The following UNC5D variants were observed in gnomAD, a reference collection of about 807,000 sequenced individuals.
UNC5D encodes the protein netrin receptor UNC5D.
UNC5D carries 39 observed loss-of-function variants against 105.4 expected under a neutral mutation model. That is an observed-to-expected ratio of 0.37 (90% CI 0.29 to 0.48). The LOEUF (loss-of-function observed/expected upper bound fraction) is 0.48, where lower values mean the gene tolerates loss of function less well. UNC5D is among the 20% of genes least tolerant of loss of function. UNC5D has a pLI of 0.98. For missense variants in UNC5D, 991 were observed against 1,202.4 expected (o/e 0.82, Z 2.60); for synonymous variants, 452 against 450.4 (o/e 1.00, Z -0.04).
intron 4 of UNC5D, among the ~76,000 whole-genome samples, chr8:35,654,445 T>C (rs1823608985): frequency 6.6e-6 from 1 of 152,148 alleles, no homozygotes; most frequent in Non-Finnish European, 1.5e-5. Flanking sequence ...TCTTCCACTC[T>C]ACCTGAGTTC....
Position 35,235,784 on chromosome 8 carries a change from C to T in UNC5D, c.-1C>T. Reference sequence around the variant, plus strand: ...CCGCCCTCCGGAACGCGGCGAGGAGCATGGGGAGAGCGGCGGCCACCGCAG... The same window carrying T: ...CCGCCCTCCGGAACGCGGCGAGGAGTATGGGGAGAGCGGCGGCCACCGCAG... On this transcript the variant is annotated 5_prime_UTR_variant, in exon 1 of 17. Transcript: ENST00000404895. 1.6e-6 allele frequency: 2 copies of T among 1,229,990 alleles called. No individual in the cohort carries two copies. Among genetic ancestry groups the T allele is most frequent in the Non-Finnish European group, 2.0e-6 (2 of 986,028 alleles). 76.2% of individuals were successfully genotyped at this position (1,229,990 alleles called of 1,614,324 possible).
intron 1 of UNC5D, among the ~76,000 whole-genome samples, chr8:35,317,306 C>T (rs1809381259): frequency 6.6e-6 from 1 of 152,106 alleles, no homozygotes. Context: ...TGATAGATAA[C>T]ACCTCTTCTC....
chr8:35,482,925 C>T (rs1247878960), intron 1 of UNC5D, among the ~76,000 whole-genome samples: 1 of 150,688 alleles, frequency 6.6e-6, no homozygotes, highest in East Asian at 2.0e-4. Context: ...GCCGTGGCCC[C>T]CCGAGTAGCT....
At chr8:35,359,700 C>T (rs559720063) in intron 1 of UNC5D, among the ~76,000 whole-genome samples, 1 of 152,270 alleles carries the variant, frequency 6.6e-6, no homozygotes, top group Non-Finnish European at 1.5e-5. Flanking sequence ...TTTATTCAAA[C>T]TAAATTCTAC....
At chr8:35,788,835 A>G (rs185587219) in intron 16 of UNC5D, among the ~76,000 whole-genome samples, 1 of 152,134 alleles carries the variant, frequency 6.6e-6, no homozygotes, top group Admixed American at 6.5e-5. Context: ...CATTGGACAC[A>G]GCCAAACACC....
chr8:35,525,763 T>C, intron 1 of UNC5D: 5 of 1,552,512 alleles, frequency 3.2e-6, no homozygotes, highest in Non-Finnish European at 1.7e-6. Context: ...GGAGCCGCCA[T>C]CTTGGGAGTG....
chr8:35,358,498 CA>C (rs1801681921), intron 1 of UNC5D, among the ~76,000 whole-genome samples: 1 of 152,068 alleles, frequency 6.6e-6, no homozygotes, highest in Non-Finnish European at 1.5e-5. Context: ...TGGTGAGGGT[CA>C]GGGGAAGCAG....
At chr8:35,774,159 T>C (rs2131739402) in intron 15 of UNC5D, 140 bp from the exon 16 acceptor site, 1 of 841,246 alleles carries the variant, frequency 1.2e-6, no homozygotes, top group South Asian at 2.0e-5. Flanking sequence ...GGGGAACTTA[T>C]CAATGTATTT....
At chr8:35,440,813 A>G (rs556961155) in intron 1 of UNC5D, among the ~76,000 whole-genome samples, 1 of 152,076 alleles carries the variant, frequency 6.6e-6, no homozygotes, top group South Asian at 2.1e-4. Context: ...TCATTGATTG[A>G]TGAGTGCTAT....
intron 3 of UNC5D, among the ~76,000 whole-genome samples, chr8:35,586,594 G>A (rs959128178): frequency 2.6e-5 from 4 of 152,130 alleles, no homozygotes; most frequent in African/African-American, 9.7e-5. Context: ...ATTTGGGTAA[G>A]TTACAATTTT....
chr8:35,489,412 T>C (rs897497995), intron 1 of UNC5D, among the ~76,000 whole-genome samples: 2 of 152,166 alleles, frequency 1.3e-5, no homozygotes, highest in Non-Finnish European at 2.9e-5. Context: ...AGACAGGGCA[T>C]TTAAGAAGGT....
chr8:35,500,392 A>C (rs1022028454), intron 1 of UNC5D, among the ~76,000 whole-genome samples: 3 of 152,184 alleles, frequency 2.0e-5, no homozygotes, highest in African/African-American at 7.2e-5. Flanking sequence ...ATGAGGGCAG[A>C]GAGATGTTTT....
chr8:35,400,662 G>A (rs1024971964), intron 1 of UNC5D, among the ~76,000 whole-genome samples: 7 of 152,084 alleles, frequency 4.6e-5, no homozygotes, highest in South Asian at 2.1e-4. Flanking sequence ...ACACCCAGAG[G>A]CATCATCTGA....
intron 1 of UNC5D, among the ~76,000 whole-genome samples, chr8:35,540,861 G>A (rs1308957522): frequency 6.6e-6 from 1 of 152,106 alleles, no homozygotes; most frequent in Non-Finnish European, 1.5e-5. Context: ...TGTTAGTGTG[G>A]CTGAAAGAAT....
intron 1 of UNC5D, among the ~76,000 whole-genome samples, chr8:35,441,984 A>C (rs535551835): frequency 6.6e-6 from 1 of 152,016 alleles, no homozygotes; most frequent in South Asian, 2.1e-4. Flanking sequence ...TTTTAGCACT[A>C]TCTATATTCC....
chr8:35,331,637 C>T (rs1213639534), intron 1 of UNC5D, among the ~76,000 whole-genome samples: 3 of 152,146 alleles, frequency 2.0e-5, no homozygotes, highest in Non-Finnish European at 1.5e-5. Flanking sequence ...TGCTCTGACT[C>T]ACACAGAAAT....
At chr8:35,714,759 C>G (rs1437228002) in intron 8 of UNC5D, among the ~76,000 whole-genome samples, 1 of 152,214 alleles carries the variant, frequency 6.6e-6, no homozygotes, top group Non-Finnish European at 1.5e-5. Flanking sequence ...TAGGCACATA[C>G]AGACTTTACA....
intron 1 of UNC5D, among the ~76,000 whole-genome samples, chr8:35,389,957 A>G (rs1803668806): frequency 6.6e-6 from 1 of 152,218 alleles, no homozygotes; most frequent in Admixed American, 6.5e-5. Flanking sequence ...TGCTATAAAG[A>G]AATACCTGAG....
At position 35,683,567 on chromosome 8, in the gene UNC5D, A is replaced by G; in HGVS notation, c.591A>G (p.Glu197=). The G allele has an allele frequency of 6.4e-7, 1 of 1,559,108 alleles. No homozygotes were observed. Among genetic ancestry groups the G allele is most frequent in the Admixed American group, 2.1e-5 (1 of 46,638 alleles). The change falls in exon 5 of 17, where the codon GAA becomes GAG. Residue 197 remains glutamate (E), a synonymous_variant. Transcript: ENST00000404895. ...TGTAGGTGGAATGGCTGAAAAATGA[A>G]GAGCCCATTGACTCTGAACAAGACG... ...PAAEVEWLKN[E]EPIDSEQDEN...
Sources: allele counts gnomAD v4.1 joint callset (sites outside exome capture counted in the v4.1 genomes callset), GRCh38; gene constraint gnomAD v4.1.1; transcripts MANE v1.5; gene names NCBI Gene and HGNC (gene_info 2026-07-23, HGNC 2026-07-21).